C10orf90: variants seen among roughly 807,000 people sequenced by gnomAD.
C10orf90 encodes chromosome 10 open reading frame 90.
A neutral mutation model predicts 62.5 loss-of-function variants in C10orf90; 56 were observed. The observed-to-expected ratio is 0.90, with a 90% CI of 0.72 to 1.12. The LOEUF is 1.12. Among genes scored for constraint, C10orf90 ranks in the 50% most tolerant of loss-of-function variants. C10orf90 has a pLI of 0.00. For missense variants in C10orf90, 970 were observed against 880.4 expected, an observed-to-expected ratio of 1.10 and a Z score of -1.29; for synonymous variants, 386 against 340.4, an observed-to-expected ratio of 1.13 and a Z score of -1.47.
At chr10:126,454,731 TA>T (rs1440681939) in intron 7 of C10orf90, among the ~76,000 whole-genome samples, 119 of 152,244 alleles carry the variant, frequency 7.8e-4, no homozygotes, top group African/African-American at 2.7e-3. Context: ...ATTCATCCTG[TA>T]AGGCAGAGCA....
intron 2 of C10orf90, among the ~76,000 whole-genome samples, chr10:126,608,004 G>A (rs1845350581): frequency 1.3e-5 from 2 of 152,308 alleles, no homozygotes; most frequent in South Asian, 2.1e-4. Context: ...ATGGGGAATT[G>A]TTTCATGAAT....
At chr10:126,543,701 A>G (rs1384875100) in intron 2 of C10orf90, among the ~76,000 whole-genome samples, 7 of 152,220 alleles carry the variant, frequency 4.6e-5, no homozygotes, top group Admixed American at 4.6e-4. Flanking sequence ...GCTTTCTACC[A>G]TTAGCACATA....
intron 4 of C10orf90, among the ~76,000 whole-genome samples, chr10:126,466,092 C>T (rs1196819339): frequency 1.3e-5 from 2 of 152,048 alleles, no homozygotes; most frequent in Admixed American, 6.6e-5. Context: ...AAGAGCTACT[C>T]TTTTTAAGTA....
intron 7 of C10orf90, among the ~76,000 whole-genome samples, chr10:126,430,073 C>A (rs1204038698): frequency 9.2e-5 from 14 of 152,210 alleles, no homozygotes; most frequent in African/African-American, 2.4e-5. Context: ...ACGTGAAGTA[C>A]AATGTTAGCA....
chr10:126,508,996 T>C (rs544409017), intron 3 of C10orf90, among the ~76,000 whole-genome samples: 67 of 152,278 alleles, frequency 4.4e-4, no homozygotes, highest in African/African-American at 1.6e-3. Flanking sequence ...AGCCCAGGGC[T>C]GTGCATGCTG....
chr10:126,544,555 T>C (rs913991247), intron 2 of C10orf90, among the ~76,000 whole-genome samples: 3 of 152,180 alleles, frequency 2.0e-5, no homozygotes, highest in South Asian at 2.1e-4. Flanking sequence ...TTTTTTTTTT[T>C]CCTTTCCATC....
intron 2 of C10orf90, among the ~76,000 whole-genome samples, chr10:126,562,334 C>A (rs1864921287): frequency 6.6e-6 from 1 of 152,170 alleles, no homozygotes; most frequent in Non-Finnish European, 1.5e-5. Flanking sequence ...AAAGGCTGGG[C>A]CTCTCCCTAG....
intron 4 of C10orf90, among the ~76,000 whole-genome samples, chr10:126,490,090 T>TATAATATATAATATAATA (rs1233282553): frequency 6.6e-5 from 8 of 121,022 alleles, no homozygotes; most frequent in East Asian, 2.1e-4. Flanking sequence ...AATAATAATA[T>TATAATATATAATATAATA]ATAATATATA....
At chr10:126,464,247 G>A (rs1860157357) in intron 5 of C10orf90, among the ~76,000 whole-genome samples, 1 of 152,166 alleles carries the variant, frequency 6.6e-6, no homozygotes, top group Non-Finnish European at 1.5e-5. Context: ...GGGCACGTGA[G>A]TTCCAGTGTC....
intron 7 of C10orf90, among the ~76,000 whole-genome samples, chr10:126,438,509 G>A (rs1437222604): frequency 1.3e-5 from 2 of 152,032 alleles, no homozygotes; most frequent in African/African-American, 2.4e-5. Context: ...CATACACTGA[G>A]CATTACACAC....
At chr10:126,481,070 G>A (rs1385610447) in intron 4 of C10orf90, among the ~76,000 whole-genome samples, 2 of 152,194 alleles carry the variant, frequency 1.3e-5, no homozygotes, top group African/African-American at 4.8e-5. Flanking sequence ...TCATTCTTGT[G>A]CCATGTCAGA....
chr10:126,619,618 A>C (rs1330812251), intron 2 of C10orf90, among the ~76,000 whole-genome samples: 2 of 151,960 alleles, frequency 1.3e-5, no homozygotes, highest in African/African-American at 4.8e-5. Context: ...ACTTTTAAAA[A>C]CTTGGTTGTT....
At chr10:126,511,148 C>A (rs1489089136) in intron 3 of C10orf90, among the ~76,000 whole-genome samples, 1 of 152,110 alleles carries the variant, frequency 6.6e-6, no homozygotes, top group East Asian at 1.9e-4. Context: ...CATTTCATCT[C>A]GAATGGAAGC....
chr10:126,524,865 A>T, intron 2 of C10orf90: 1 of 979,980 alleles, frequency 1.0e-6, no homozygotes, highest in Non-Finnish European at 1.2e-6. Context: ...CATTAAGTGG[A>T]AAACGCCATT....
At chr10:126,543,720 A>C (rs2133969538) in intron 2 of C10orf90, among the ~76,000 whole-genome samples, 1 of 152,324 alleles carries the variant, frequency 6.6e-6, no homozygotes, top group African/African-American at 2.4e-5. Flanking sequence ...TATGCTTAAG[A>C]GTTTCCTGTG....
chr10:126,446,144 T>C (rs1011116501), intron 7 of C10orf90, among the ~76,000 whole-genome samples: 4 of 151,928 alleles, frequency 2.6e-5, no homozygotes, highest in Admixed American at 2.6e-4. Flanking sequence ...TGTACTCCAA[T>C]AACCTGTGGA....
At chr10:126,505,131 T>C (rs1319597449) in intron 3 of C10orf90, 46 bp from the exon 4 acceptor site, 3 of 1,545,930 alleles carry the variant, frequency 1.9e-6, no homozygotes, top group South Asian at 2.5e-5. Flanking sequence ...TCTATTGAAA[T>C]ATAGACAGTA....
chr10:126,658,084 G>T (rs1398282565), intron 1 of C10orf90, among the ~76,000 whole-genome samples: 1 of 152,210 alleles, frequency 6.6e-6, no homozygotes, highest in Non-Finnish European at 1.5e-5. Flanking sequence ...AGTTCAGGAA[G>T]ATGCACAGTG....
chr10:126,446,290 C>G (rs571998354), intron 7 of C10orf90, among the ~76,000 whole-genome samples: 183 of 152,036 alleles, frequency 1.2e-3, no homozygotes, highest in African/African-American at 4.3e-3. Flanking sequence ...TCAAAGGTTT[C>G]TAATCATATT....
Sources: gnomAD v4.1 joint callset for allele counts (sites outside exome capture counted in the v4.1 genomes callset) on GRCh38, gnomAD v4.1.1 for gene constraint, MANE v1.5 for transcripts, NCBI Gene and HGNC (gene_info 2026-07-23, HGNC 2026-07-21) for gene names.